The following CNTN4 variants were observed in gnomAD, a reference collection of about 807,000 sequenced individuals.
The protein encoded by CNTN4 is contactin 4, also known as contactin-4.
In CNTN4, 77 loss-of-function variants were observed where a neutral mutation model predicts 122.5. The observed-to-expected ratio is 0.63, with a 90% CI of 0.52 to 0.76. The LOEUF is 0.76. Ranked by LOEUF, CNTN4 falls within the 30% of genes least tolerant of loss-of-function variation. The probability of loss-of-function intolerance (pLI) is 0.00; values close to 1 mark genes in which losing one functional copy is unlikely to be tolerated. For synonymous variants in CNTN4, 512 were observed against 447.0 expected, an observed-to-expected ratio of 1.15 and a Z score of -1.83; for missense variants, 1,256 against 1,259.1, an observed-to-expected ratio of 1.00 and a Z score of 0.04.
intron 2 of CNTN4, among the ~76,000 whole-genome samples, chr3:2,228,200 G>A (rs1559360495): frequency 6.6e-6 from 1 of 151,886 alleles, no homozygotes; most frequent in Non-Finnish European, 1.5e-5. Flanking sequence ...CAAGGAATTG[G>A]CAATCCATAG....
chr3:3,056,153 C>G lies in CNTN4; in HGVS notation c.3014C>G (p.Ser1005Trp). 1.9e-6 allele frequency: 3 copies of G among 1,614,102 alleles called. No individual in the cohort carries two copies. Among genetic ancestry groups the G allele is most frequent in the African/African-American group, 1.3e-5 (1 of 75,036 alleles). Reference protein sequence around the residue: ...AYARGSGASTSNACTLSAIST... With the variant: ...AYARGSGASTWNACTLSAIST... ...GCGAGAGGATCTGGGGCTTCCACTT[C>G]GAATGCATGTACGCTGTCAGCCATC... Residue 1005 changes from serine (S) to tryptophan (W), a missense_variant, in exon 25 of 25, where the codon TCG becomes TGG. Coordinates refer to ENST00000418658, the MANE Select transcript of CNTN4 (RefSeq NM_175607.3).
At chr3:2,491,849 A>G (rs949328295) in intron 3 of CNTN4, among the ~76,000 whole-genome samples, 1 of 152,126 alleles carries the variant, frequency 6.6e-6, no homozygotes, top group Non-Finnish European at 1.5e-5. Context: ...CCGTGGTTTT[A>G]TTGCAGTCTG....
intron 7 of CNTN4, among the ~76,000 whole-genome samples, chr3:2,848,005 T>A (rs973273564): frequency 2.6e-5 from 4 of 152,164 alleles, no homozygotes; most frequent in Middle Eastern, 3.4e-3. Context: ...ACACCTGTAA[T>A]CCCAACACTT....
intron 3 of CNTN4, among the ~76,000 whole-genome samples, chr3:2,570,238 A>G (rs1027029583): frequency 5.9e-5 from 9 of 151,652 alleles, no homozygotes; most frequent in African/African-American, 2.2e-4. Flanking sequence ...CAGTGGAGTG[A>G]TTATGGCTCA....
intron 4 of CNTN4, among the ~76,000 whole-genome samples, chr3:2,720,966 C>T (rs922709443): frequency 1.3e-5 from 2 of 151,954 alleles, no homozygotes; most frequent in South Asian, 2.1e-4. Flanking sequence ...TTAGCATATT[C>T]TTTTTTTGTT....
chr3:2,708,228 C>G (rs766597349), intron 4 of CNTN4, among the ~76,000 whole-genome samples: 1 of 152,094 alleles, frequency 6.6e-6, no homozygotes, highest in Non-Finnish European at 1.5e-5. Flanking sequence ...ATATATAATT[C>G]TGAGCTTTAC....
chr3:2,725,548 A>G (rs1267642375), intron 4 of CNTN4, among the ~76,000 whole-genome samples: 2 of 152,282 alleles, frequency 1.3e-5, no homozygotes, highest in Middle Eastern at 3.4e-3. Flanking sequence ...AATGACTTAG[A>G]TTGTAGTTAT....
At chr3:2,870,650 A>G (rs2093774129) in intron 8 of CNTN4, among the ~76,000 whole-genome samples, 1 of 152,196 alleles carries the variant, frequency 6.6e-6, no homozygotes, top group Admixed American at 6.5e-5. Context: ...TGATGATTGA[A>G]GCACACTCAA....
intron 3 of CNTN4, among the ~76,000 whole-genome samples, chr3:2,553,048 C>T (rs1325071831): frequency 2.0e-5 from 3 of 152,178 alleles, no homozygotes; most frequent in Non-Finnish European, 2.9e-5. Flanking sequence ...ACCAGTGTAT[C>T]AACTCACGGT....
intron 9 of CNTN4, among the ~76,000 whole-genome samples, chr3:2,886,518 T>TA (rs1377655360): frequency 3.1e-4 from 47 of 150,638 alleles, no homozygotes; most frequent in African/African-American, 1.0e-3. Context: ...GATCACTTTT[T>TA]TTTTTTTTTT....
intron 12 of CNTN4, among the ~76,000 whole-genome samples, chr3:2,908,985 C>T (rs1272478041): frequency 1.3e-5 from 2 of 152,150 alleles, no homozygotes; most frequent in South Asian, 2.1e-4. Flanking sequence ...GAGGTGCAAC[C>T]TTGAGCGATT....
At chr3:2,203,162 A>G (rs1467424784) in intron 2 of CNTN4, among the ~76,000 whole-genome samples, 2 of 152,074 alleles carry the variant, frequency 1.3e-5, no homozygotes, top group South Asian at 2.1e-4. Context: ...TAAAATATAT[A>G]CATATGTGTA....
chr3:2,186,455 A>G (rs1451193039), intron 2 of CNTN4, among the ~76,000 whole-genome samples: 1 of 152,198 alleles, frequency 6.6e-6, no homozygotes, highest in Non-Finnish European at 1.5e-5. Flanking sequence ...CATTAATGGG[A>G]TGGCTGGGTC....
chr3:2,439,390 G>A (rs2048357304), intron 3 of CNTN4, among the ~76,000 whole-genome samples: 1 of 152,070 alleles, frequency 6.6e-6, no homozygotes, highest in East Asian at 1.9e-4. Context: ...GCAAACCAGT[G>A]TCTTTTTACT....
At chr3:2,292,786 A>G (rs531484828) in intron 2 of CNTN4, among the ~76,000 whole-genome samples, 10 of 152,370 alleles carry the variant, frequency 6.6e-5, no homozygotes, top group African/African-American at 2.4e-4. Flanking sequence ...AGATGAATAT[A>G]TCACAATTTA....
rs1279288207 is a variant in CNTN4, at chr3:2,168,815, C to G, written c.-145+68176C>G. Among the ~76,000 whole-genome samples the G allele has an allele frequency of 1.8e-4, 27 of 152,074 alleles. 1 individual carries two copies. The highest frequency in any genetic ancestry group is 1.8e-3 in the Admixed American group (27 of 15,272). ...TTGTTATGGATGTAATACTTGCAAG[C>G]AGATTTGGTGATTTGCTTGGAAAAA... On this transcript the variant is annotated intron_variant, in intron 2 of 24. Transcript: ENST00000418658.
chr3:2,908,161 A>C (rs1467644093), intron 12 of CNTN4, among the ~76,000 whole-genome samples: 2 of 152,198 alleles, frequency 1.3e-5, no homozygotes, highest in Non-Finnish European at 2.9e-5. Context: ...GTGTATTACA[A>C]TTAGAGTAAA....
chr3:2,405,841 G>A (rs13064421), intron 3 of CNTN4, among the ~76,000 whole-genome samples: 30,440 of 151,844 alleles, frequency 0.2, 3,826 homozygotes, highest in Middle Eastern at 0.31. Flanking sequence ...TGGGCAACAT[G>A]GCAAAATCTC....
rs2047764010 is a variant in CNTN4, at chr3:2,424,973, A to C, written c.-89+85740A>C. On this transcript the variant is annotated intron_variant, in intron 3 of 24. Coordinates refer to ENST00000418658, the MANE Select transcript of CNTN4 (RefSeq NM_175607.3). ...TCTTTGTAGATTCTGGATATTACCC[A>C]TTTGTCAGATGGGTAGATTGCAAAA... Among the ~76,000 whole-genome samples the C allele has an allele frequency of 2.0e-5, 3 of 152,136 alleles. No homozygotes were observed. In the South Asian group the frequency reaches 6.2e-4, roughly 32 times the overall value.
Sources: gnomAD v4.1 joint callset for allele counts (sites outside exome capture counted in the v4.1 genomes callset) on GRCh38, gnomAD v4.1.1 for gene constraint, MANE v1.5 for transcripts, NCBI Gene and HGNC (gene_info 2026-07-23, HGNC 2026-07-21) for gene names.